The following MCC variants were observed in gnomAD, a reference collection of about 807,000 sequenced individuals.
MCC encodes MCC regulator of Wnt signaling pathway.
A neutral mutation model predicts 116.2 loss-of-function variants in MCC; 90 were observed. The ratio of observed to expected loss-of-function variants is 0.77; its 90% CI spans 0.65 to 0.92. The LOEUF (loss-of-function observed/expected upper bound fraction) is 0.92, where lower values mean the gene tolerates loss of function less well. Among genes scored for constraint, MCC ranks in the 40% least tolerant of loss-of-function variants. The pLI, the probability that MCC is intolerant of heterozygous loss-of-function variation, is 0.00. For synonymous variants in MCC, 578 were observed against 510.5 expected, an observed-to-expected ratio of 1.13 and a Z score of -1.78; for missense variants, 1,516 against 1,312.2, an observed-to-expected ratio of 1.16 and a Z score of -2.40.
intron 1 of MCC, chr5:113,436,860 A>G (rs922797860): frequency 6.6e-6 from 1 of 152,256 alleles, no homozygotes; most frequent in Non-Finnish European, 1.5e-5. Flanking sequence ...GCCAATCAGA[A>G]AATCTTTGAA....
chr5:113,078,472 C>G (rs534627478), intron 11 of MCC, among the ~76,000 whole-genome samples: 1 of 152,308 alleles, frequency 6.6e-6, no homozygotes, highest in East Asian at 1.9e-4. Flanking sequence ...ATCAAGTGGG[C>G]TTCATCCCTG....
intron 8 of MCC, among the ~76,000 whole-genome samples, chr5:113,092,886 G>T (rs946146538): frequency 1.3e-5 from 2 of 152,214 alleles, no homozygotes. Flanking sequence ...CAGGCCGGAG[G>T]AGACATGTGC....
intron 1 of MCC, 102 bp downstream of exon 1, chr5:113,488,143 A>T: frequency 2.5e-6 from 3 of 1,207,706 alleles, no homozygotes; most frequent in Non-Finnish European, 3.3e-6. Context: ...CGAGCTTCTG[A>T]GCAACTTGCC....
intron 17 of MCC, among the ~76,000 whole-genome samples, chr5:113,029,794 G>A (rs1750830064): frequency 6.6e-6 from 1 of 152,132 alleles, no homozygotes. Context: ...CGACTACTCT[G>A]ACTCCCTTCC....
rs199572272 is a variant in MCC, at chr5:113,062,871, G to A, written c.2213+1113C>T. Among the ~76,000 whole-genome samples the A allele has an allele frequency of 3.1e-4, 47 of 152,264 alleles. No homozygotes were observed. The East Asian group carries it at 7.7e-3, about 25-fold the overall frequency. ...GTCCCACCAGGGGAGAAAGAGAGAG[G>A]GGAACATTAAGTTGCTTTCCAGCAC... On this transcript the variant is annotated intron_variant, in intron 14 of 18. Transcript: ENST00000408903.
chr5:113,452,164 G>C (rs776506154), intron 1 of MCC, among the ~76,000 whole-genome samples: 7 of 152,180 alleles, frequency 4.6e-5, no homozygotes, highest in Non-Finnish European at 2.9e-5. Context: ...CCTCAGGCCT[G>C]GAAGTCACAC....
intron 1 of MCC, among the ~76,000 whole-genome samples, chr5:113,425,734 G>T (rs748716520): frequency 6.6e-6 from 1 of 152,088 alleles, no homozygotes; most frequent in Non-Finnish European, 1.5e-5. Flanking sequence ...CGTCATCAGT[G>T]TTACAAAGAA....
chr5:113,204,006 T>C (rs1762803680), intron 3 of MCC, among the ~76,000 whole-genome samples: 1 of 152,174 alleles, frequency 6.6e-6, no homozygotes, highest in African/African-American at 2.4e-5. Context: ...TATCCCCTAT[T>C]TTCCGTCCTT....
intron 1 of MCC, 142 bp from the exon 2 acceptor site, chr5:113,385,354 G>T: frequency 1.1e-6 from 1 of 907,678 alleles, no homozygotes; most frequent in Non-Finnish European, 1.7e-6. Flanking sequence ...TTCTAGAAAA[G>T]TGATAAGTGT....
At position 113,333,843 on chromosome 5, in the gene MCC, G is replaced by GCACA. The variant is rs1561527869; in HGVS notation, c.627+6675_627+6676insTGTG. On this transcript the variant is annotated intron_variant, in intron 3 of 18. Coordinates refer to ENST00000408903, the MANE Select transcript of MCC (RefSeq NM_001085377.2). ...TACATATATGTATATATGTATATAT[G>GCACA]TATATATGTACATATATGTATATAT... Among the ~76,000 whole-genome samples the GCACA allele has an allele frequency of 6.7e-4, 66 of 99,136 alleles. 15 individuals carry two copies. Among genetic ancestry groups the GCACA allele is most frequent in the African/African-American group, 3.0e-3 (65 of 21,614 alleles). 65.0% of individuals were successfully genotyped at this position (99,136 alleles called of 152,430 possible).
At position 113,482,880 on chromosome 5, in the gene MCC, A is replaced by T. The variant is rs557511582; in HGVS notation, c.170+5365T>A. ...TTTTTCTTCTAAAAGTTTAATAGTT[A>T]TAGTTCTTACATTTAAGTTTTTGAT... On this transcript the variant is annotated intron_variant, in intron 1 of 18. Transcript: ENST00000408903. Among the ~76,000 whole-genome samples the T allele has an allele frequency of 3.3e-5, 5 of 152,306 alleles. No individual in the cohort carries two copies. In the South Asian group the frequency reaches 6.2e-4, roughly 19 times the overall value.
chr5:113,294,257 T>G (rs1421874456), intron 3 of MCC: 14 of 1,603,952 alleles, frequency 8.7e-6, no homozygotes, highest in African/African-American at 1.3e-5. Context: ...TGTGGGGAGG[T>G]CGAGGGGAGG....
intron 1 of MCC, among the ~76,000 whole-genome samples, chr5:113,475,654 AAGAG>A (rs572643936): frequency 3.3e-5 from 5 of 152,212 alleles, no homozygotes; most frequent in Non-Finnish European, 5.9e-5. Flanking sequence ...TTTATGGAAC[AAGAG>A]AGAGTCTCTC....
At chr5:113,218,065 C>A (rs1431797740) in intron 3 of MCC, among the ~76,000 whole-genome samples, 5 of 144,182 alleles carry the variant, frequency 3.5e-5, no homozygotes, top group Non-Finnish European at 7.5e-5. Context: ...GAGCATCTGG[C>A]TCTTAAGAAG....
At chr5:113,274,619 C>T (rs1765753315) in intron 3 of MCC, among the ~76,000 whole-genome samples, 1 of 152,126 alleles carries the variant, frequency 6.6e-6, no homozygotes, top group Non-Finnish European at 1.5e-5. Flanking sequence ...CCTTAGTCTC[C>T]CAAAGTGCCA....
intron 11 of MCC, among the ~76,000 whole-genome samples, chr5:113,075,486 G>A (rs1045673128): frequency 6.6e-6 from 1 of 152,228 alleles, no homozygotes; most frequent in Admixed American, 6.5e-5. Context: ...ACTAGGTGAA[G>A]CCAGCTGGGC....
chr5:113,377,487 A>G (rs1039936850), intron 2 of MCC, among the ~76,000 whole-genome samples: 2 of 152,140 alleles, frequency 1.3e-5, no homozygotes, highest in East Asian at 3.8e-4. Flanking sequence ...GTACCTAGCA[A>G]AAATATTAGG....
chr5:113,155,273 TC>T (rs773910536), intron 3 of MCC, among the ~76,000 whole-genome samples: 10 of 152,228 alleles, frequency 6.6e-5, no homozygotes, highest in Non-Finnish European at 1.3e-4. Context: ...ACTCTGTATA[TC>T]CATTCATCTG....
intron 8 of MCC, among the ~76,000 whole-genome samples, chr5:113,101,306 T>C (rs1316534241): frequency 6.6e-6 from 1 of 152,000 alleles, no homozygotes; most frequent in African/African-American, 2.4e-5. Context: ...CTATACTAGA[T>C]TCAGTATAAG....
Sources: allele counts gnomAD v4.1 joint callset (sites outside exome capture counted in the v4.1 genomes callset), GRCh38; gene constraint gnomAD v4.1.1; transcripts MANE v1.5; gene names NCBI Gene and HGNC (gene_info 2026-07-23, HGNC 2026-07-21).